ST6GALNAC3: variants seen among roughly 807,000 people sequenced by gnomAD.
The protein encoded by ST6GALNAC3 is ST6 N-acetylgalactosaminide alpha-2,6-sialyltransferase 3.
ST6GALNAC3 carries 25 observed loss-of-function variants against 32.7 expected under a neutral mutation model. The ratio of observed to expected loss-of-function variants is 0.76; its 90% CI spans 0.56 to 1.07. The LOEUF (loss-of-function observed/expected upper bound fraction) is 1.07, where lower values mean the gene tolerates loss of function less well. Among genes scored for constraint, ST6GALNAC3 ranks in the 50% least tolerant of loss-of-function variants. The pLI, the probability that ST6GALNAC3 is intolerant of heterozygous loss-of-function variation, is 0.00. For missense variants in ST6GALNAC3, 355 were observed against 382.4 expected (o/e 0.93, Z 0.60); for synonymous variants, 129 against 133.1 (o/e 0.97, Z 0.21).
intron 1 of ST6GALNAC3, among the ~76,000 whole-genome samples, chr1:76,147,059 C>A (rs113701587): frequency 3.4e-5 from 5 of 149,044 alleles, no homozygotes; most frequent in Non-Finnish European, 7.5e-5. Context: ...TCACTCCCCC[C>A]ACTTCTTTTT....
intron 3 of ST6GALNAC3, among the ~76,000 whole-genome samples, chr1:76,462,498 G>A (rs997805763): frequency 3.3e-5 from 5 of 150,424 alleles, no homozygotes; most frequent in Admixed American, 6.6e-5. Context: ...AGTAGGTCTT[G>A]AAATTAATTT....
intron 1 of ST6GALNAC3, among the ~76,000 whole-genome samples, chr1:76,287,993 G>A (rs1411527017): frequency 6.6e-6 from 1 of 152,162 alleles, no homozygotes. Flanking sequence ...TGCCTTGGGA[G>A]CCATGTGCTT....
chr1:76,379,262 T>G (rs1651514415), intron 2 of ST6GALNAC3, among the ~76,000 whole-genome samples: 1 of 152,178 alleles, frequency 6.6e-6, no homozygotes, highest in Non-Finnish European at 1.5e-5. Context: ...TAACAATTGA[T>G]TTCTACTTCA....
intron 1 of ST6GALNAC3, among the ~76,000 whole-genome samples, chr1:76,284,419 A>G (rs1466025636): frequency 6.6e-6 from 1 of 152,214 alleles, no homozygotes; most frequent in Non-Finnish European, 1.5e-5. Context: ...GAGATAGGCA[A>G]GTATGAATGA....
intron 3 of ST6GALNAC3, among the ~76,000 whole-genome samples, chr1:76,516,762 T>G (rs1355268001): frequency 6.6e-6 from 1 of 152,118 alleles, no homozygotes; most frequent in Non-Finnish European, 1.5e-5. Flanking sequence ...TTAGTTCGTG[T>G]ATATTTTCTC....
At chr1:76,392,657 G>A (rs984451455) in intron 2 of ST6GALNAC3, among the ~76,000 whole-genome samples, 2 of 152,164 alleles carry the variant, frequency 1.3e-5, no homozygotes, top group Non-Finnish European at 2.9e-5. Flanking sequence ...GTAAATTAGA[G>A]GTTAGACTTC....
At position 76,629,300 on chromosome 1, in the gene ST6GALNAC3, C is replaced by G. The variant is rs650427; in HGVS notation, c.*494C>G. On this transcript the variant is annotated 3_prime_UTR_variant, in exon 5 of 5. Coordinates refer to ENST00000328299, the MANE Select transcript of ST6GALNAC3 (RefSeq NM_152996.4). ...CTATCAGGGTGCAAGTATCTTACTA[C>G]TTAGCCTAAGGATGGGAAAATATCT... 0.44 allele frequency: 428,801 copies of G among 984,046 alleles called. 94,732 individuals are homozygous for G. Among genetic ancestry groups the G allele is most frequent in the African/African-American group, 0.61 (34,981 of 57,198 alleles). The allele number at this position is 984,046 out of a possible 1,614,324, so 61.0% of individuals were successfully genotyped here.
At chr1:76,608,597 ATGTGTGTGTGTGTGTGTGTGTGTG>A (rs60960904) in intron 3 of ST6GALNAC3, among the ~76,000 whole-genome samples, 1 of 135,162 alleles carries the variant, frequency 7.4e-6, no homozygotes, top group Non-Finnish European at 1.6e-5. Flanking sequence ...TGAGCTGGAA[ATGTGTGTGTGTGTGTGTGTGTGTG>A]TGTGTGTGTG....
intron 1 of ST6GALNAC3, among the ~76,000 whole-genome samples, chr1:76,281,458 G>A (rs1659493561): frequency 6.6e-6 from 1 of 152,210 alleles, no homozygotes; most frequent in Non-Finnish European, 1.5e-5. Context: ...GCAGCCTGCT[G>A]GGGAGTGTGT....
At chr1:76,292,355 G>T (rs1413364892) in intron 1 of ST6GALNAC3, among the ~76,000 whole-genome samples, 2 of 152,234 alleles carry the variant, frequency 1.3e-5, no homozygotes, top group Non-Finnish European at 2.9e-5. Context: ...AGGAATGTTT[G>T]TAGAAAACCA....
chr1:76,373,775 A>G (rs1236545873), intron 2 of ST6GALNAC3, among the ~76,000 whole-genome samples: 2 of 152,212 alleles, frequency 1.3e-5, no homozygotes, highest in Non-Finnish European at 2.9e-5. Context: ...TGTTTTATAA[A>G]ATCAAGCTAA....
chr1:76,523,047 T>G (rs1236267400), intron 3 of ST6GALNAC3, among the ~76,000 whole-genome samples: 1 of 152,188 alleles, frequency 6.6e-6, no homozygotes, highest in Non-Finnish European at 1.5e-5. Flanking sequence ...GTGTTCCAGT[T>G]TATTCCTGTG....
intron 1 of ST6GALNAC3, among the ~76,000 whole-genome samples, chr1:76,141,624 A>AT (rs1320438756): frequency 1.3e-5 from 2 of 152,240 alleles, no homozygotes; most frequent in African/African-American, 4.8e-5. Flanking sequence ...GTACAGATGG[A>AT]TTTTTGCCAT....
At chr1:76,615,963 G>A (rs1648264342) in intron 3 of ST6GALNAC3, among the ~76,000 whole-genome samples, 1 of 152,166 alleles carries the variant, frequency 6.6e-6, no homozygotes, top group Non-Finnish European at 1.5e-5. Flanking sequence ...GACATTTTCT[G>A]ATGTTCCTGA....
At chr1:76,597,839 T>C (rs1184848775) in intron 3 of ST6GALNAC3, among the ~76,000 whole-genome samples, 1 of 152,146 alleles carries the variant, frequency 6.6e-6, no homozygotes, top group Non-Finnish European at 1.5e-5. Context: ...CCTAATGTGA[T>C]GCTTTCATCC....
intron 1 of ST6GALNAC3, among the ~76,000 whole-genome samples, chr1:76,213,003 G>A (rs909172587): frequency 6.6e-6 from 1 of 152,186 alleles, no homozygotes; most frequent in African/African-American, 2.4e-5. Flanking sequence ...TGCTTGAAAC[G>A]AATAGCTGAA....
At chr1:76,247,478 A>G (rs115657177) in intron 1 of ST6GALNAC3, among the ~76,000 whole-genome samples, 2,276 of 152,116 alleles carry the variant, frequency 0.015, 62 homozygotes, top group African/African-American at 0.053. Context: ...TGTATCTGTA[A>G]GCCCCTGACT....
chr1:76,609,274 G>T (rs1647766134), intron 3 of ST6GALNAC3, among the ~76,000 whole-genome samples: 3 of 151,656 alleles, frequency 2.0e-5, no homozygotes, highest in African/African-American at 7.3e-5. Flanking sequence ...AAATTTCCAG[G>T]ACCTTAATGA....
chr1:76,137,661 C>A (rs973092847), intron 1 of ST6GALNAC3, among the ~76,000 whole-genome samples: 1 of 152,040 alleles, frequency 6.6e-6, no homozygotes, highest in African/African-American at 2.4e-5. Context: ...ACTGGTTTCT[C>A]TTCTCTGTAA....
Sources: allele counts gnomAD v4.1 joint callset (sites outside exome capture counted in the v4.1 genomes callset), GRCh38; gene constraint gnomAD v4.1.1; transcripts MANE v1.5; gene names NCBI Gene and HGNC (gene_info 2026-07-23, HGNC 2026-07-21).